The following SYNE2 variants were observed in gnomAD, a reference collection of about 807,000 sequenced individuals.
The protein encoded by SYNE2 is spectrin repeat containing nuclear envelope protein 2.
A neutral mutation model predicts 856.3 loss-of-function variants in SYNE2; 431 were observed. The observed-to-expected ratio is 0.50, with a 90% CI of 0.47 to 0.55. The LOEUF is 0.55. Ranked by LOEUF, SYNE2 falls within the 20% of genes least tolerant of loss-of-function variation. SYNE2 has a pLI of 0.00. For synonymous variants in SYNE2, 2,923 were observed against 2,872.3 expected, an observed-to-expected ratio of 1.02 and a Z score of -0.56; for missense variants, 8,129 against 8,023.2, an observed-to-expected ratio of 1.01 and a Z score of -0.50.
At chr14:64,047,820 G>C (rs1030421814) in intron 45 of SYNE2, among the ~76,000 whole-genome samples, 180 bp from the exon 46 acceptor site, 6 of 152,032 alleles carry the variant, frequency 3.9e-5, no homozygotes, top group African/African-American at 1.4e-4. Context: ...GTTTCATCTT[G>C]GGGTAATACC....
At position 63,948,752 on chromosome 14, in the gene SYNE2, A is replaced by G. The variant is rs1439568778; in HGVS notation, c.409-1073A>G. ...TATATGTGTATAGATATGTGTGTGT[A>G]TATATATGTATATATATGTATGTGT... is the stretch of plus-strand genomic sequence containing the variant. On this transcript the variant is annotated intron_variant, in intron 6 of 115. Transcript: ENST00000555002. Among the ~76,000 whole-genome samples, 28 of 88,900 alleles carry G rather than the reference A, an allele frequency of 3.1e-4. 1 individual carries two copies. The South Asian group carries it at 6.5e-3, about 21-fold the overall frequency. The allele number at this position is 88,900 out of a possible 152,430, so 58.3% of individuals were successfully genotyped here.
Position 64,214,483 on chromosome 14 carries a change from T to A in SYNE2, c.19333+13T>A. 6.2e-7 allele frequency: 1 copy of A among 1,606,432 alleles called. No individual in the cohort carries two copies. Among genetic ancestry groups the A allele is most frequent in the South Asian group, 1.1e-5 (1 of 90,532 alleles). On this transcript the variant is annotated intron_variant, in intron 106 of 115. Transcript: ENST00000555002. ...AGCGCACTGTCAGGTAACAGCTGGGTTCCCAGCACCCTGGAAAGTGACCCG... is the reference window on the plus strand; with the variant it reads ...AGCGCACTGTCAGGTAACAGCTGGGATCCCAGCACCCTGGAAAGTGACCCG...
intron 1 of SYNE2, among the ~76,000 whole-genome samples, chr14:63,881,989 T>C (rs1029002989): frequency 1.3e-5 from 2 of 152,194 alleles, no homozygotes; most frequent in Non-Finnish European, 2.9e-5. Context: ...TGAGGAGAGA[T>C]AATAAGGCCT....
intron 2 of SYNE2, among the ~76,000 whole-genome samples, chr14:63,934,667 C>CT (rs1360020830): frequency 6.6e-6 from 1 of 152,108 alleles, no homozygotes; most frequent in Non-Finnish European, 1.5e-5. Context: ...TTCACCTCCT[C>CT]TGAGGTTGTT....
At chr14:63,850,464 A>C (rs1890373307), upstream of SYNE2, among the ~76,000 whole-genome samples, 1 of 151,936 alleles carries the variant, frequency 6.6e-6, no homozygotes, top group African/African-American at 2.4e-5. Flanking sequence ...GTTCATGGCA[A>C]CCCTTACTGT....
At chr14:64,100,524 AAAAAAAAATATATATAT>A (rs1281928950) in intron 63 of SYNE2, among the ~76,000 whole-genome samples, 7 of 76,194 alleles carry the variant, frequency 9.2e-5, no homozygotes, top group African/African-American at 5.0e-4. Context: ...CAAAAAAAAA[AAAAAAAAATATATATAT>A]ATATATATAT....
In SYNE2 at chr14:64,137,801, CAT is replaced by C; in HGVS notation, c.14662_14663del (p.Ile4888TrpfsTer25). ...ISFYQQIKRN[I>X]GGKHARLYQT... is the part of the protein sequence containing the mutation. ...CTTTTTATTAGCAAATAAAAAGAAA[CAT>C]TGGTGGAAAACACGCCCGGCTTTAC... On this transcript the variant is annotated frameshift_variant, in exon 79 of 116. Coordinates refer to ENST00000555002, the MANE Select transcript of SYNE2 (RefSeq NM_182914.3). LOFTEE classifies it high-confidence loss of function. 1 of 1,614,086 alleles carries C rather than the reference CAT, an allele frequency of 6.2e-7. No homozygotes were observed. Among genetic ancestry groups the C allele is most frequent in the Non-Finnish European group, 8.5e-7 (1 of 1,180,010 alleles).
At chr14:63,956,792 C>T (rs2096246577) in intron 8 of SYNE2, among the ~76,000 whole-genome samples, 1 of 152,120 alleles carries the variant, frequency 6.6e-6, no homozygotes, top group Non-Finnish European at 1.5e-5. Flanking sequence ...ATTTACATAG[C>T]ATTTACGTTG....
intron 1 of SYNE2, among the ~76,000 whole-genome samples, chr14:63,807,341 CAA>C (rs574264237): frequency 4.0e-4 from 35 of 86,592 alleles, no homozygotes; most frequent in Admixed American, 8.0e-4. Context: ...GACCCTGTCT[CAA>C]AAAAAAAAAA....
chr14:64,061,939 A>C (rs1211660790), intron 49 of SYNE2, among the ~76,000 whole-genome samples: 2 of 152,098 alleles, frequency 1.3e-5, no homozygotes, highest in Admixed American at 1.3e-4. Flanking sequence ...GTATATTTCC[A>C]TTTTACAGTT....
At chr14:63,982,930 C>A in intron 17 of SYNE2, 136 bp downstream of exon 17, 1 of 884,630 alleles carries the variant, frequency 1.1e-6, no homozygotes, top group Non-Finnish European at 1.7e-6. Flanking sequence ...AAATTTAGAA[C>A]ATTTTTATTA....
chr14:63,860,773 C>T (rs2140158158), intron 1 of SYNE2, among the ~76,000 whole-genome samples: 1 of 152,298 alleles, frequency 6.6e-6, no homozygotes, highest in Non-Finnish European at 1.5e-5. Flanking sequence ...AATCTGGGCT[C>T]TGACACACAG....
chr14:63,967,881 G>T (rs1272190947), intron 11 of SYNE2, 35 bp downstream of exon 11: 28 of 1,611,020 alleles, frequency 1.7e-5, no homozygotes, highest in Non-Finnish European at 2.3e-5. Context: ...AATATTTTCA[G>T]GCCAAAAGCA....
chr14:63,994,931 C>G, intron 22 of SYNE2, 113 bp from the exon 23 acceptor site: 1 of 695,214 alleles, frequency 1.4e-6, no homozygotes, highest in Non-Finnish European at 2.3e-6. Context: ...CAGAATGGCA[C>G]TTAAGCTTTG....
chr14:63,778,245 C>T (rs75334770), intron 1 of SYNE2, among the ~76,000 whole-genome samples: 1,785 of 152,218 alleles, frequency 0.012, 33 homozygotes, highest in African/African-American at 0.041. Context: ...TCACCTGCCC[C>T]GTTGTAAGAT....
At chr14:64,089,753 A>G in intron 59 of SYNE2, 57 bp downstream of exon 59, 1 of 1,363,794 alleles carries the variant, frequency 7.3e-7, no homozygotes, top group Admixed American at 1.7e-5. Context: ...TGTCTTTTTC[A>G]AAATATAATA....
intron 45 of SYNE2, among the ~76,000 whole-genome samples, chr14:64,039,438 CAG>C (rs1352346112): frequency 6.6e-6 from 1 of 152,176 alleles, no homozygotes; most frequent in Admixed American, 6.5e-5. Flanking sequence ...CTTTGTGAGT[CAG>C]GGGATGTAAA....
At chr14:63,882,584 G>A (rs917401580) in intron 1 of SYNE2, among the ~76,000 whole-genome samples, 1 of 151,862 alleles carries the variant, frequency 6.6e-6, no homozygotes, top group South Asian at 2.1e-4. Context: ...AATTAGCTGG[G>A]TGTGGTGTCA....
At chr14:64,126,272 G>A in intron 71 of SYNE2, 55 bp from the exon 72 acceptor site, 6 of 1,512,354 alleles carry the variant, frequency 4.0e-6, no homozygotes, top group Non-Finnish European at 5.5e-6. Context: ...CAAAATATAG[G>A]TCTAGGAAGG....
Sources: allele counts gnomAD v4.1 joint callset (sites outside exome capture counted in the v4.1 genomes callset), GRCh38; gene constraint gnomAD v4.1.1; transcripts MANE v1.5; gene names NCBI Gene and HGNC (gene_info 2026-07-23, HGNC 2026-07-21).